Variants in FAXDC2 observed in about 807,000 individuals in gnomAD.
The protein encoded by FAXDC2 is fatty acid hydroxylase domain-containing protein 2.
Under a neutral mutation model 40.9 loss-of-function variants are expected in FAXDC2, and 41 were observed. The ratio of observed to expected loss-of-function variants is 1.00; its 90% CI spans 0.78 to 1.30. The LOEUF is 1.30. Among genes scored for constraint, FAXDC2 ranks in the 50% most tolerant of loss-of-function variants. The pLI is 0.00. For missense variants in FAXDC2, 390 were observed against 408.8 expected (o/e 0.95, Z 0.40); for synonymous variants, 157 against 149.3 (o/e 1.05, Z -0.38).
At chr5:154,822,395 G>A in intron 7 of FAXDC2, 77 bp downstream of exon 7, 1 of 999,218 alleles carries the variant, frequency 1.0e-6, no homozygotes, top group Non-Finnish European at 1.6e-6. Context: ...TGTGGTCTAA[G>A]TTCTCTGCAG....
At chr5:154,845,582 AT>A (rs1420511801) in intron 1 of FAXDC2, among the ~76,000 whole-genome samples, 1 of 152,052 alleles carries the variant, frequency 6.6e-6, no homozygotes, top group African/African-American at 2.4e-5. Flanking sequence ...CAAAGTATTA[AT>A]ATAAAAAAAA....
intron 4 of FAXDC2, 195 bp from the exon 5 acceptor site, chr5:154,831,117 C>T (rs987836685): frequency 2.0e-6 from 1 of 506,388 alleles, no homozygotes; most frequent in Non-Finnish European, 3.5e-6. Flanking sequence ...GGAGTGTCTC[C>T]ATTTTCTTAG....
At chr5:154,840,116 C>T (rs901207259) in intron 1 of FAXDC2, among the ~76,000 whole-genome samples, 2 of 152,140 alleles carry the variant, frequency 1.3e-5, no homozygotes, top group Non-Finnish European at 2.9e-5. Flanking sequence ...CCAGACTGGA[C>T]TTCGTGCCAC....
rs1232841854 is a variant in FAXDC2 at position 154,820,439 on chromosome 5, C to T, written c.879G>A (p.Leu293=). 1.9e-6 allele frequency: 3 copies of T among 1,612,706 alleles called. No homozygotes were observed. The highest frequency in any genetic ancestry group is 2.5e-6 in the Non-Finnish European group (3 of 1,179,562). ...FNQCYGVLGV[L]DHLHGTDTMF... ...TGGTGTCAGTCCCATGGAGGTGGTC[C>T]AGCACACCCAGCACCCCATAGCACT... Residue 293 remains leucine, a synonymous_variant, in exon 9 of 9, where the codon CTG becomes CTA. Coordinates refer to ENST00000326080, the MANE Select transcript of FAXDC2 (RefSeq NM_032385.5).
chr5:154,845,789 AT>A (rs58726575), intron 1 of FAXDC2, among the ~76,000 whole-genome samples: 3,912 of 134,510 alleles, frequency 0.029, 56 homozygotes, highest in African/African-American at 0.038. Context: ...TTGGACACCT[AT>A]TTTTTTTTTT....
chr5:154,841,791 A>G (rs2113164585), intron 1 of FAXDC2, among the ~76,000 whole-genome samples: 1 of 150,426 alleles, frequency 6.6e-6, no homozygotes, highest in South Asian at 2.1e-4. Flanking sequence ...GCTGGAGTGC[A>G]GTGGCACGAT....
intron 1 of FAXDC2, among the ~76,000 whole-genome samples, chr5:154,844,783 G>A (rs1350167683): frequency 2.0e-5 from 3 of 152,188 alleles, no homozygotes; most frequent in Non-Finnish European, 4.4e-5. Context: ...AGTACAATAA[G>A]ATCTTGGCTC....
chr5:154,823,618 A>T (rs373474548), intron 5 of FAXDC2, 26 bp from the exon 6 acceptor site: 1 of 1,595,904 alleles, frequency 6.3e-7, no homozygotes, highest in Non-Finnish European at 8.6e-7. Context: ...GAGGAGGGAG[A>T]TGGATAAGAG....
chr5:154,845,400 C>G (rs1760575308), intron 1 of FAXDC2, among the ~76,000 whole-genome samples: 1 of 152,170 alleles, frequency 6.6e-6, no homozygotes, highest in African/African-American at 2.4e-5. Flanking sequence ...GTACCATAGT[C>G]ATTACTTTCT....
At chr5:154,837,798 C>A (rs540039924) in intron 2 of FAXDC2, among the ~76,000 whole-genome samples, 13 of 152,098 alleles carry the variant, frequency 8.5e-5, no homozygotes, top group Non-Finnish European at 1.8e-4. Context: ...CTGTTGTCCC[C>A]AGGAAAGTTA....
chr5:154,820,636 C>A, intron 8 of FAXDC2, 164 bp from the exon 9 acceptor site: 1 of 562,042 alleles, frequency 1.8e-6, no homozygotes, highest in Non-Finnish European at 3.1e-6. Context: ...GCTACCAATG[C>A]ATCTCCCGGG....
At chr5:154,832,298 C>G (rs1016992971) in intron 4 of FAXDC2, among the ~76,000 whole-genome samples, 6 of 150,906 alleles carry the variant, frequency 4.0e-5, no homozygotes, top group African/African-American at 1.5e-4. Flanking sequence ...GCTGCAAGAT[C>G]TGCCTCCCGG....
intron 1 of FAXDC2, among the ~76,000 whole-genome samples, chr5:154,849,847 C>T (rs1170532153): frequency 5.9e-5 from 9 of 152,184 alleles, no homozygotes; most frequent in African/African-American, 2.2e-4. Flanking sequence ...TACTGTATGC[C>T]CTTTACTCAA....
At chr5:154,823,137 A>G (rs1759929883) in intron 6 of FAXDC2, among the ~76,000 whole-genome samples, 1 of 152,134 alleles carries the variant, frequency 6.6e-6, no homozygotes, top group African/African-American at 2.4e-5. Context: ...TCAATCTCCC[A>G]AGTAGCTGGG....
At chr5:154,821,635 C>G (rs1759891892) in intron 7 of FAXDC2, among the ~76,000 whole-genome samples, 1 of 152,062 alleles carries the variant, frequency 6.6e-6, no homozygotes, top group African/African-American at 2.4e-5. Context: ...TTCTTGTTAG[C>G]AAAATTAAGA....
At chr5:154,833,350 GTTT>G (rs750032741) in intron 4 of FAXDC2, among the ~76,000 whole-genome samples, 1 of 125,866 alleles carries the variant, frequency 7.9e-6, no homozygotes, top group Non-Finnish European at 1.7e-5. Flanking sequence ...CTTAATTTTT[GTTT>G]TTTTTTTTTT....
intron 4 of FAXDC2, chr5:154,831,405 AGTCAGT>A (rs1242242526): frequency 6.5e-6 from 1 of 153,698 alleles, no homozygotes; most frequent in African/African-American, 2.4e-5. Flanking sequence ...GGTGTCATCT[AGTCAGT>A]ATAAGTGGAA....
chr5:154,837,284 TTTGTTTG>T (rs1760374885), intron 2 of FAXDC2, among the ~76,000 whole-genome samples: 1 of 150,248 alleles, frequency 6.7e-6, no homozygotes, highest in African/African-American at 2.5e-5. Context: ...TTTTTGTTTT[TTTGTTTG>T]TTTGTTTGTT....
Position 154,821,383 on chromosome 5 carries a change from C to A in FAXDC2, c.722G>T (p.Gly241Val). 3 of 1,611,772 alleles carry A rather than the reference C, an allele frequency of 1.9e-6. No individual in the cohort carries two copies. ...LPVIVGPLVM[G>V]SHLSSITMWF... ...CATGGTGATGGAGGACAAGTGGGAG[C>A]CCATTACTAATGGGCCCACTATCAC... Residue 241 changes from glycine (G) to valine (V), a missense_variant, in exon 8 of 9, where the codon GGC becomes GTC. Transcript: ENST00000326080.
Sources: gnomAD v4.1 joint callset for allele counts (sites outside exome capture counted in the v4.1 genomes callset) on GRCh38, gnomAD v4.1.1 for gene constraint, MANE v1.5 for transcripts, NCBI Gene and HGNC (gene_info 2026-07-23, HGNC 2026-07-21) for gene names.